Variants in CARMIL1 observed in about 807,000 individuals in gnomAD.
CARMIL1 encodes capping protein regulator and myosin 1 linker 1.
Under a neutral mutation model 177.1 loss-of-function variants are expected in CARMIL1, and 90 were observed. The ratio of observed to expected loss-of-function variants is 0.51; its 90% confidence interval spans 0.43 to 0.61. The LOEUF is 0.61. Among genes scored for constraint, CARMIL1 ranks in the 20% least tolerant of loss-of-function variants. The pLI, the probability that CARMIL1 is intolerant of heterozygous loss-of-function variation, is 0.00. For missense variants in CARMIL1, 1,380 were observed against 1,667.0 expected, an observed-to-expected ratio of 0.83 and a Z score of 3.00; for synonymous variants, 577 against 606.2, an observed-to-expected ratio of 0.95 and a Z score of 0.71.
At chr6:25,348,258 G>C (rs1038955022) in intron 2 of CARMIL1, among the ~76,000 whole-genome samples, 2 of 151,700 alleles carry the variant, frequency 1.3e-5, no homozygotes, top group Admixed American at 1.3e-4. Flanking sequence ...TCAGTCTCCC[G>C]AGTAGCTGGG....
chr6:25,395,306 A>G (rs16890531), intron 2 of CARMIL1, among the ~76,000 whole-genome samples: 20,787 of 152,254 alleles, frequency 0.14, 1,650 homozygotes, highest in East Asian at 0.32. Flanking sequence ...ATTAGTCAAC[A>G]TTGGTTGAGT....
rs771807588 is a variant in CARMIL1 at position 25,528,901 on chromosome 6, A to C, written c.2067+8A>C. 86 of 1,601,310 alleles carry C rather than the reference A, an allele frequency of 5.4e-5. No individual in the cohort carries two copies. The Middle Eastern group carries it at 6.6e-4, about 12-fold the overall frequency. On this transcript the variant is annotated splice_region_variant and intron_variant, in intron 24 of 36. Coordinates refer to ENST00000329474, the MANE Select transcript of CARMIL1 (RefSeq NM_017640.6). ...ACCAGCACCACCCAGCAGGTAAGCG[A>C]GCCAGTGCCTGTGACTTCTCCTTCT...
intron 2 of CARMIL1, among the ~76,000 whole-genome samples, chr6:25,376,056 C>T (rs1203726321): frequency 1.3e-5 from 2 of 152,136 alleles, no homozygotes; most frequent in Admixed American, 6.5e-5. Context: ...TGTTATAGAA[C>T]CCCGTTTTGT....
At chr6:25,384,041 G>A (rs1791887353) in intron 2 of CARMIL1, among the ~76,000 whole-genome samples, 1 of 152,112 alleles carries the variant, frequency 6.6e-6, no homozygotes. Context: ...GGTTTCACAT[G>A]TTTGCCAGGC....
At chr6:25,397,186 TC>T (rs1793483301) in intron 2 of CARMIL1, among the ~76,000 whole-genome samples, 1 of 152,160 alleles carries the variant, frequency 6.6e-6, no homozygotes, top group Non-Finnish European at 1.5e-5. Context: ...TTCTTAAGGT[TC>T]TTTCTAGCTC....
intron 12 of CARMIL1, among the ~76,000 whole-genome samples, chr6:25,487,207 G>A (rs567798516): frequency 4.6e-5 from 7 of 152,152 alleles, no homozygotes; most frequent in Admixed American, 2.6e-4. Context: ...CATACTGAAC[G>A]TTCTAAGCTC....
intron 8 of CARMIL1, chr6:25,451,989 C>CCCTCCT: frequency 4.5e-5 from 3 of 66,836 alleles, no homozygotes; most frequent in Admixed American, 1.6e-4. Context: ...GCATCTTGCC[C>CCCTCCT]CCCCCTCCCC....
At chr6:25,545,585 A>T (rs1284874133) in intron 26 of CARMIL1, among the ~76,000 whole-genome samples, 1 of 152,188 alleles carries the variant, frequency 6.6e-6, no homozygotes, top group Non-Finnish European at 1.5e-5. Context: ...TTGTAATCTA[A>T]TGCAGCTATT....
chr6:25,556,956 A>T, intron 29 of CARMIL1, 106 bp downstream of exon 29: 1 of 1,122,532 alleles, frequency 8.9e-7, no homozygotes. Flanking sequence ...CAAACAAAAC[A>T]CTGTCCCCAC....
intron 2 of CARMIL1, among the ~76,000 whole-genome samples, chr6:25,331,226 C>T (rs1248204635): frequency 2.6e-5 from 4 of 152,166 alleles, no homozygotes; most frequent in Non-Finnish European, 4.4e-5. Flanking sequence ...CATATAGGAG[C>T]TGCACAACTC....
chr6:25,570,674 C>T (rs930424600), intron 29 of CARMIL1, among the ~76,000 whole-genome samples: 4 of 152,140 alleles, frequency 2.6e-5, no homozygotes, highest in African/African-American at 7.2e-5. Context: ...TCATCAGTGC[C>T]GTTCCCTAAG....
intron 1 of CARMIL1, among the ~76,000 whole-genome samples, chr6:25,281,127 T>C (rs373451678): frequency 3.1e-5 from 4 of 127,000 alleles, no homozygotes; most frequent in Non-Finnish European, 4.8e-5. Flanking sequence ...CACGCGCGTG[T>C]GCGCGCGCGC....
chr6:25,619,367 T>C, intron 36 of CARMIL1, 80 bp from the exon 37 acceptor site: 2 of 1,431,658 alleles, frequency 1.4e-6, no homozygotes, highest in Non-Finnish European at 1.9e-6. Flanking sequence ...CCTTCAAGGC[T>C]ACTGCATCTC....
At chr6:25,549,528 T>C (rs1232883998) in intron 26 of CARMIL1, among the ~76,000 whole-genome samples, 6 of 152,182 alleles carry the variant, frequency 3.9e-5, no homozygotes, top group African/African-American at 1.4e-4. Context: ...AGAGTTATAA[T>C]GGGGACAGAG....
rs767502813 is a variant in CARMIL1 at position 25,417,579 on chromosome 6, G to T, written c.139-2535G>T. Among the ~76,000 whole-genome samples, 89 of 152,204 alleles carry T rather than the reference G, an allele frequency of 5.8e-4. 1 individual carries two copies. The highest frequency in any genetic ancestry group is 8.1e-4 in the Non-Finnish European group (55 of 68,014). ...TTGTGGATCTCTTCCAGTCATGGCT[G>T]CCCTGGGCTATCCCTTCCTACCTTC... On this transcript the variant is annotated intron_variant, in intron 2 of 36. Coordinates refer to ENST00000329474, the MANE Select transcript of CARMIL1 (RefSeq NM_017640.6).
At chr6:25,561,058 G>A (rs943615086) in intron 29 of CARMIL1, among the ~76,000 whole-genome samples, 2 of 152,164 alleles carry the variant, frequency 1.3e-5, no homozygotes, top group African/African-American at 4.8e-5. Context: ...CAACCCACAT[G>A]CCTTATATGT....
intron 29 of CARMIL1, among the ~76,000 whole-genome samples, chr6:25,580,260 C>A (rs1813006793): frequency 6.6e-6 from 1 of 152,184 alleles, no homozygotes; most frequent in South Asian, 2.1e-4. Context: ...GAAGATAGTG[C>A]CTTTCTGAGG....
chr6:25,616,300 G>C (rs573827448), intron 36 of CARMIL1, among the ~76,000 whole-genome samples: 59 of 152,280 alleles, frequency 3.9e-4, no homozygotes, highest in African/African-American at 1.4e-3. Context: ...AGGCACAGTG[G>C]TTCACATTTG....
intron 33 of CARMIL1, 47 bp from the exon 34 acceptor site, chr6:25,604,765 T>C: frequency 7.1e-7 from 1 of 1,411,896 alleles, no homozygotes; most frequent in Non-Finnish European, 9.8e-7. Flanking sequence ...CACTTTTGCA[T>C]TAAATAAATG....
Sources: gnomAD v4.1 joint callset for allele counts (sites outside exome capture counted in the v4.1 genomes callset) on GRCh38, gnomAD v4.1.1 for gene constraint, MANE v1.5 for transcripts, NCBI Gene and HGNC (gene_info 2026-07-23, HGNC 2026-07-21) for gene names.